NRXN3: variants seen among roughly 807,000 people sequenced by gnomAD.
The protein encoded by NRXN3 is neurexin 3, also known as neurexin III.
NRXN3 carries 32 observed loss-of-function variants against 137.6 expected under a neutral mutation model. The observed-to-expected ratio is 0.23, with a 90% CI of 0.18 to 0.31. The LOEUF is 0.31. NRXN3 is among the 10% of genes least tolerant of loss of function. NRXN3 has a pLI of 1.00. For missense variants in NRXN3, 1,574 were observed against 2,062.5 expected (o/e 0.76, Z 4.59); for synonymous variants, 798 against 784.5 (o/e 1.02, Z -0.29).
intron 8 of NRXN3, among the ~76,000 whole-genome samples, chr14:78,730,952 G>A (rs1031405895): frequency 6.6e-6 from 1 of 152,200 alleles, no homozygotes; most frequent in Non-Finnish European, 1.5e-5. Context: ...ATGAGGCTGA[G>A]CAGAATTATT....
intron 2 of NRXN3, among the ~76,000 whole-genome samples, chr14:78,251,285 A>T (rs911000728): frequency 6.6e-6 from 1 of 152,078 alleles, no homozygotes; most frequent in South Asian, 2.1e-4. Flanking sequence ...AAAAAAAACA[A>T]TCTTTCTCTG....
At chr14:79,444,091 G>A (rs1322986865) in intron 15 of NRXN3, among the ~76,000 whole-genome samples, 1 of 152,164 alleles carries the variant, frequency 6.6e-6, no homozygotes, top group African/African-American at 2.4e-5. Flanking sequence ...TGAAGCATGT[G>A]AATGCCATGA....
intron 16 of NRXN3, among the ~76,000 whole-genome samples, chr14:79,507,268 T>C (rs190528820): frequency 1.4e-4 from 22 of 152,350 alleles, no homozygotes; most frequent in Admixed American, 3.3e-4. Context: ...AAGGCACTTA[T>C]TCCTAGATTA....
chr14:78,766,402 T>C (rs1167711422), intron 8 of NRXN3, among the ~76,000 whole-genome samples: 2 of 152,160 alleles, frequency 1.3e-5, no homozygotes, highest in Non-Finnish European at 2.9e-5. Context: ...GCCAATTACA[T>C]TGCAAAAAAT....
intron 4 of NRXN3, among the ~76,000 whole-genome samples, chr14:78,531,866 T>C (rs897749518): frequency 6.6e-6 from 1 of 152,230 alleles, no homozygotes; most frequent in Non-Finnish European, 1.5e-5. Context: ...GGGAAGGTTT[T>C]ATGCTTTCAG....
chr14:78,863,392 G>C (rs559338254), intron 10 of NRXN3, among the ~76,000 whole-genome samples: 2 of 152,124 alleles, frequency 1.3e-5, no homozygotes, highest in South Asian at 4.2e-4. Flanking sequence ...TAGTCTCTGG[G>C]CTTGACCTAT....
chr14:79,460,264 A>G (rs2096313780), intron 15 of NRXN3, among the ~76,000 whole-genome samples: 1 of 152,096 alleles, frequency 6.6e-6, no homozygotes, highest in Admixed American at 6.6e-5. Context: ...AAAATACATA[A>G]TGTTCCCATC....
chr14:78,705,790 A>G (rs12886193), intron 6 of NRXN3, among the ~76,000 whole-genome samples: 138,507 of 152,226 alleles, frequency 0.91, 63,406 homozygotes, highest in Middle Eastern at 0.97. Context: ...TTTTATTCAC[A>G]ACAGTGAAAA....
At chr14:78,839,826 A>G (rs2099007077) in intron 10 of NRXN3, among the ~76,000 whole-genome samples, 1 of 152,190 alleles carries the variant, frequency 6.6e-6, no homozygotes, top group Admixed American at 6.5e-5. Flanking sequence ...ATGCATAAAC[A>G]CTACACAGCT....
chr14:79,453,723 T>C (rs1157380724), intron 15 of NRXN3, among the ~76,000 whole-genome samples: 1 of 152,204 alleles, frequency 6.6e-6, no homozygotes, highest in Non-Finnish European at 1.5e-5. Flanking sequence ...TTCTAATCTG[T>C]ATTTCCTTTT....
intron 16 of NRXN3, among the ~76,000 whole-genome samples, chr14:79,634,542 G>A (rs1446907276): frequency 6.6e-6 from 1 of 152,124 alleles, no homozygotes; most frequent in African/African-American, 2.4e-5. Flanking sequence ...TTTCTCTAAA[G>A]CAAGAACTGT....
intron 10 of NRXN3, among the ~76,000 whole-genome samples, chr14:78,862,977 T>G (rs1406708673): frequency 6.6e-6 from 1 of 152,148 alleles, no homozygotes; most frequent in Non-Finnish European, 1.5e-5. Flanking sequence ...GAAAAGTTTA[T>G]AAATTTAAAT....
At chr14:79,844,904 A>G (rs1403517165) in intron 20 of NRXN3, among the ~76,000 whole-genome samples, 1 of 152,210 alleles carries the variant, frequency 6.6e-6, no homozygotes, top group Non-Finnish European at 1.5e-5. Context: ...TTCCAATATA[A>G]GACCATTTTG....
intron 16 of NRXN3, among the ~76,000 whole-genome samples, chr14:79,468,923 C>A (rs2096464076): frequency 6.6e-6 from 1 of 152,112 alleles, no homozygotes; most frequent in South Asian, 2.1e-4. Flanking sequence ...TGCTATGAGC[C>A]TGAGCTAACA....
intron 6 of NRXN3, among the ~76,000 whole-genome samples, chr14:78,691,933 A>G (rs1368226691): frequency 1.3e-5 from 2 of 152,204 alleles, no homozygotes; most frequent in Admixed American, 6.5e-5. Context: ...CATGACCAAT[A>G]AACAAGCCAT....
At chr14:78,248,463 C>T (rs1285226684) in intron 2 of NRXN3, among the ~76,000 whole-genome samples, 1 of 151,864 alleles carries the variant, frequency 6.6e-6, no homozygotes, top group African/African-American at 2.4e-5. Flanking sequence ...GACTCTTGCC[C>T]CATCTCTCAA....
intron 14 of NRXN3, among the ~76,000 whole-genome samples, chr14:78,977,004 A>T (rs2099469633): frequency 6.6e-6 from 1 of 152,200 alleles, no homozygotes; most frequent in South Asian, 2.1e-4. Context: ...GTGACTTTAT[A>T]GGTCTTGCAT....
rs1321071470 is a variant in NRXN3 at position 78,540,053 on chromosome 14, C to T, written c.758-105067C>T. Among the ~76,000 whole-genome samples the T allele has an allele frequency of 3.3e-5, 5 of 151,988 alleles. No individual in the cohort carries two copies. In the East Asian group the frequency reaches 5.8e-4, roughly 18 times the overall value. ...TATGTGGTCAATTTTGGAATAAGCG[C>T]GATGTGGTGCTGAGAAGAATGTATA... On this transcript the variant is annotated intron_variant, in intron 4 of 20. Transcript: ENST00000335750.
At chr14:79,845,024 G>A (rs1603619034) in intron 20 of NRXN3, among the ~76,000 whole-genome samples, 1 of 151,952 alleles carries the variant, frequency 6.6e-6, no homozygotes. Context: ...GCTTCACTTT[G>A]TGCTTTTATA....
Sources: allele counts gnomAD v4.1 joint callset (sites outside exome capture counted in the v4.1 genomes callset), GRCh38; gene constraint gnomAD v4.1.1; transcripts MANE v1.5; gene names NCBI Gene and HGNC (gene_info 2026-07-23, HGNC 2026-07-21).